Variants in ARHGAP26 observed in about 807,000 individuals in gnomAD.
ARHGAP26 encodes Rho GTPase activating protein 26.
Under a neutral mutation model 104.8 loss-of-function variants are expected in ARHGAP26, and 38 were observed. The ratio of observed to expected loss-of-function variants is 0.36; its 90% confidence interval spans 0.28 to 0.48. The LOEUF is 0.48. Among genes scored for constraint, ARHGAP26 ranks in the 20% least tolerant of loss-of-function variants. The probability of loss-of-function intolerance (pLI) is 0.99; values close to 1 mark genes in which losing one functional copy is unlikely to be tolerated. For synonymous variants in ARHGAP26, 341 were observed against 340.0 expected (o/e 1.00, Z -0.03); for missense variants, 704 against 947.9 (o/e 0.74, Z 3.38).
At chr5:143,037,520 C>T (rs1042127704) in intron 13 of ARHGAP26, among the ~76,000 whole-genome samples, 1 of 152,056 alleles carries the variant, frequency 6.6e-6, no homozygotes, top group African/African-American at 2.4e-5. Context: ...TACTGAAATT[C>T]GATTTTTAAA....
intron 5 of ARHGAP26, among the ~76,000 whole-genome samples, chr5:142,890,774 G>C (rs140097237): frequency 6.6e-6 from 1 of 152,008 alleles, no homozygotes; most frequent in East Asian, 1.9e-4. Context: ...ACATCATTTG[G>C]CCCATTTTCT....
chr5:142,889,780 T>C (rs1170575309), intron 5 of ARHGAP26, among the ~76,000 whole-genome samples: 1 of 151,952 alleles, frequency 6.6e-6, no homozygotes, highest in African/African-American at 2.4e-5. Flanking sequence ...CTTCTTCAGG[T>C]TGTGAGTGTG....
Position 143,175,971 on chromosome 5 carries a change from G to A in ARHGAP26, c.1988+28590G>A, listed in dbSNP as rs142778857. Among the ~76,000 whole-genome samples, 54 of 152,114 alleles carry A rather than the reference G, an allele frequency of 3.5e-4. No homozygotes were observed. In the South Asian group the frequency reaches 8.7e-3, roughly 25 times the overall value. ...TCTACTAAAAATACAAAAATTAGCC[G>A]GGCGTGGTGGTGTGCCCCTGTAATC... On this transcript the variant is annotated intron_variant, in intron 20 of 22. Transcript: ENST00000645722.
At chr5:143,037,351 A>G (rs761782145) in intron 13 of ARHGAP26, 90 bp downstream of exon 13, 5 of 1,132,810 alleles carry the variant, frequency 4.4e-6, no homozygotes, top group Non-Finnish European at 6.3e-6. Flanking sequence ...TCCTGACTTT[A>G]AGTGACTCAT....
In ARHGAP26 at chr5:142,835,227, T is replaced by C. The variant is rs184892984; in HGVS notation, c.155-38173T>C. On this transcript the variant is annotated intron_variant, in intron 1 of 22. Transcript: ENST00000645722. ...ATGAAGTGATTTGAAGTTAATGCTT[T>C]AACAACATGAAAACATTTCTGGACT... Among the ~76,000 whole-genome samples the C allele has an allele frequency of 2.0e-5, 3 of 152,360 alleles. No individual in the cohort carries two copies. The East Asian group carries it at 5.8e-4, about 29-fold the overall frequency.
At chr5:142,874,582 C>T (rs1315327020) in intron 2 of ARHGAP26, among the ~76,000 whole-genome samples, 2 of 152,142 alleles carry the variant, frequency 1.3e-5, no homozygotes, top group African/African-American at 2.4e-5. Flanking sequence ...GACGACTGTT[C>T]ATGTATGAGC....
At chr5:142,802,886 T>C (rs1597687265) in intron 1 of ARHGAP26, among the ~76,000 whole-genome samples, 1 of 152,302 alleles carries the variant, frequency 6.6e-6, no homozygotes, top group East Asian at 1.9e-4. Flanking sequence ...TTTCCTCACC[T>C]GTAAAGTAGA....
rs545417008 is a variant in ARHGAP26 at position 142,918,368 on chromosome 5, A to G, written c.1028+5075A>G. Among the ~76,000 whole-genome samples the G allele has an allele frequency of 8.5e-4, 130 of 152,308 alleles. No homozygotes were observed. The East Asian group carries it at 0.023, about 27-fold the overall frequency. ...CACCATGTTGGCCAGGCTGGTATCA[A>G]TCTCCTGACCTCAGGTGATCCGCCT... On this transcript the variant is annotated intron_variant, in intron 10 of 22. Coordinates refer to ENST00000645722, the MANE Select transcript of ARHGAP26 (RefSeq NM_001135608.3).
chr5:143,225,113 AT>A lies in ARHGAP26; in HGVS notation c.*2669del. 1 of 222,720 alleles carries A rather than the reference AT, an allele frequency of 4.5e-6. No homozygotes were observed. Among genetic ancestry groups the A allele is most frequent in the Non-Finnish European group, 9.0e-6 (1 of 111,410 alleles). 13.8% of individuals were successfully genotyped at this position (222,720 alleles called of 1,614,324 possible). On this transcript the variant is annotated 3_prime_UTR_variant, in exon 23 of 23. Transcript: ENST00000645722. ...GAAATGGAGGCCTCAGGGGATGTGC[AT>A]TCACATACTATTACGCTTCTCAAAG...
At chr5:142,829,569 G>A (rs1767987571) in intron 1 of ARHGAP26, among the ~76,000 whole-genome samples, 1 of 152,216 alleles carries the variant, frequency 6.6e-6, no homozygotes, top group Non-Finnish European at 1.5e-5. Context: ...GAGAGGGTGA[G>A]GTGCAGTGTG....
intron 14 of ARHGAP26, among the ~76,000 whole-genome samples, chr5:143,051,950 G>A (rs780836596): frequency 5.9e-5 from 9 of 152,138 alleles, no homozygotes; most frequent in Non-Finnish European, 1.0e-4. Flanking sequence ...CAGGATGGCA[G>A]CTCTCCACGT....
chr5:143,067,606 T>A (rs548192517), intron 17 of ARHGAP26, among the ~76,000 whole-genome samples: 1 of 152,312 alleles, frequency 6.6e-6, no homozygotes, highest in Admixed American at 6.5e-5. Flanking sequence ...ATTTATTTCG[T>A]GTTTCCAATT....
intron 11 of ARHGAP26, among the ~76,000 whole-genome samples, chr5:142,932,406 G>T (rs562100275): frequency 6.6e-6 from 1 of 152,148 alleles, no homozygotes; most frequent in African/African-American, 2.4e-5. Flanking sequence ...TCAGCCTCCC[G>T]TAGTAACTTA....
chr5:142,949,174 A>AGAGAGAGAGAGAGAGAGAGAGAGAGAG (rs1482441598), intron 11 of ARHGAP26, among the ~76,000 whole-genome samples: 48 of 3,352 alleles, frequency 0.014, 14 homozygotes, highest in Non-Finnish European at 0.03. Context: ...CCAGAGAGAG[A>AGAGAGAGAGAGAGAGAGAGAGAGAGAG]GAGAGAGAGA....
chr5:143,087,560 C>G (rs1381229063), intron 17 of ARHGAP26, among the ~76,000 whole-genome samples: 1 of 148,234 alleles, frequency 6.7e-6, no homozygotes, highest in African/African-American at 2.5e-5. Context: ...GACATGCTCT[C>G]CTCCTCTGAC....
In ARHGAP26 at chr5:142,945,630, G is replaced by T. The variant is rs73290498; in HGVS notation, c.1107+13505G>T. On this transcript the variant is annotated intron_variant, in intron 11 of 22. Coordinates refer to ENST00000645722, the MANE Select transcript of ARHGAP26 (RefSeq NM_001135608.3). Reference sequence around the variant, plus strand: ...ATTTATCAGAGGCTTGGTTGTGTGTGTGTGTTTGCATTAGCTCATTAAAAG... The same window carrying T: ...ATTTATCAGAGGCTTGGTTGTGTGTTTGTGTTTGCATTAGCTCATTAAAAG... 5.4e-3 allele frequency among the ~76,000 whole-genome samples: 820 copies of T among 152,268 alleles called. 3 individuals are homozygous for T. Among genetic ancestry groups the T allele is most frequent in the African/African-American group, 0.019 (786 of 41,564 alleles).
chr5:143,155,982 G>T (rs1483190462), intron 20 of ARHGAP26, among the ~76,000 whole-genome samples: 2 of 152,158 alleles, frequency 1.3e-5, no homozygotes, highest in African/African-American at 2.4e-5. Flanking sequence ...TAAGTGTTAG[G>T]CATTTTAAAT....
At chr5:143,076,232 A>G (rs1229696093) in intron 17 of ARHGAP26, among the ~76,000 whole-genome samples, 1 of 140,580 alleles carries the variant, frequency 7.1e-6, no homozygotes, top group Non-Finnish European at 1.5e-5. Context: ...TCCTGGCCTC[A>G]AACTATCCTC....
intron 11 of ARHGAP26, chr5:143,011,104 T>G (rs1308008215): frequency 1.3e-5 from 2 of 152,316 alleles, no homozygotes; most frequent in Non-Finnish European, 2.9e-5. Flanking sequence ...CCTACCCCTC[T>G]CTGCATTGCA....
Sources: gnomAD v4.1 joint callset for allele counts (sites outside exome capture counted in the v4.1 genomes callset) on GRCh38, gnomAD v4.1.1 for gene constraint, MANE v1.5 for transcripts, NCBI Gene and HGNC (gene_info 2026-07-23, HGNC 2026-07-21) for gene names.